PLCL1: variants seen among roughly 807,000 people sequenced by gnomAD.
The protein encoded by PLCL1 is phospholipase C like 1 (inactive).
A neutral mutation model predicts 84.4 loss-of-function variants in PLCL1; 41 were observed. That is an observed-to-expected ratio of 0.49 (90% CI 0.38 to 0.63). The LOEUF (loss-of-function observed/expected upper bound fraction) is 0.63. Ranked by LOEUF, PLCL1 falls within the 30% of genes least tolerant of loss-of-function variation. The pLI, the probability that PLCL1 is intolerant of heterozygous loss-of-function variation, is 0.00. For synonymous variants in PLCL1, 490 were observed against 488.3 expected, an observed-to-expected ratio of 1.00 and a Z score of -0.05; for missense variants, 1,206 against 1,367.8, an observed-to-expected ratio of 0.88 and a Z score of 1.87.
At chr2:197,953,192 G>A (rs188018905) in intron 1 of PLCL1, among the ~76,000 whole-genome samples, 2 of 152,142 alleles carry the variant, frequency 1.3e-5, no homozygotes, top group East Asian at 3.9e-4. Flanking sequence ...GATGTAACTC[G>A]GGTTTGCTGA....
chr2:197,990,240 G>T (rs1324351799), intron 1 of PLCL1, among the ~76,000 whole-genome samples: 1 of 152,310 alleles, frequency 6.6e-6, no homozygotes, highest in African/African-American at 2.4e-5. Flanking sequence ...GCAAATAAAT[G>T]GAATACAGTT....
chr2:197,862,087 T>G (rs1687443572), intron 1 of PLCL1, among the ~76,000 whole-genome samples: 1 of 151,496 alleles, frequency 6.6e-6, no homozygotes, highest in South Asian at 2.1e-4. Context: ...ATTGAGTAAT[T>G]AAATTAATCT....
intron 1 of PLCL1, among the ~76,000 whole-genome samples, chr2:197,926,285 C>T (rs1321817863): frequency 1.3e-5 from 2 of 152,174 alleles, no homozygotes; most frequent in Admixed American, 6.5e-5. Context: ...GACACATAGA[C>T]AGAAAACATC....
intron 1 of PLCL1, among the ~76,000 whole-genome samples, chr2:197,809,214 G>C (rs146128809): frequency 6.6e-6 from 1 of 152,272 alleles, no homozygotes; most frequent in African/African-American, 2.4e-5. Context: ...GCTTTCGTAC[G>C]TTTGTATCAC....
intron 3 of PLCL1, among the ~76,000 whole-genome samples, chr2:198,093,161 G>A (rs1396640849): frequency 1.3e-5 from 2 of 152,172 alleles, no homozygotes; most frequent in Admixed American, 1.3e-4. Flanking sequence ...AACTGGTGGA[G>A]CACAAAGGAT....
chr2:198,111,856 G>T (rs1693631760), intron 5 of PLCL1, among the ~76,000 whole-genome samples: 1 of 151,832 alleles, frequency 6.6e-6, no homozygotes, highest in Non-Finnish European at 1.5e-5. Flanking sequence ...TATGTATCAA[G>T]TATCCTACCA....
chr2:197,856,051 A>C (rs904420245), intron 1 of PLCL1, among the ~76,000 whole-genome samples: 2 of 152,222 alleles, frequency 1.3e-5, no homozygotes, highest in Admixed American at 1.3e-4. Flanking sequence ...GTCTCACTGC[A>C]TAAGCTTTAC....
intron 3 of PLCL1, among the ~76,000 whole-genome samples, chr2:198,091,051 C>T (rs1693017726): frequency 6.6e-6 from 1 of 152,174 alleles, no homozygotes; most frequent in Non-Finnish European, 1.5e-5. Context: ...ACGGTGGAAG[C>T]AGAAATACTT....
chr2:197,993,166 T>C (rs1186181687), intron 1 of PLCL1, among the ~76,000 whole-genome samples: 1 of 152,192 alleles, frequency 6.6e-6, no homozygotes, highest in Admixed American at 6.5e-5. Context: ...ACTTGTACTT[T>C]TCTGTTTTTA....
chr2:197,877,857 G>T (rs1317218310), intron 1 of PLCL1, among the ~76,000 whole-genome samples: 1 of 152,028 alleles, frequency 6.6e-6, no homozygotes, highest in Non-Finnish European at 1.5e-5. Context: ...TTTTCAGGGG[G>T]TCCTCAAACC....
At chr2:198,007,641 C>G (rs1690760336) in intron 1 of PLCL1, among the ~76,000 whole-genome samples, 1 of 152,160 alleles carries the variant, frequency 6.6e-6, no homozygotes, top group Admixed American at 6.5e-5. Context: ...TTAACCCTCT[C>G]TTTTATGGGT....
At chr2:198,076,325 G>A (rs139061026) in intron 1 of PLCL1, among the ~76,000 whole-genome samples, 38 of 152,224 alleles carry the variant, frequency 2.5e-4, no homozygotes, top group East Asian at 1.7e-3. Flanking sequence ...CCACCACAGC[G>A]TATATATCAG....
At chr2:198,003,406 C>T (rs1690652034) in intron 1 of PLCL1, among the ~76,000 whole-genome samples, 1 of 152,148 alleles carries the variant, frequency 6.6e-6, no homozygotes, top group Non-Finnish European at 1.5e-5. Context: ...AATAGAGATG[C>T]TCCTTATGGA....
chr2:198,079,542 C>T (rs576879889), intron 1 of PLCL1, among the ~76,000 whole-genome samples: 2 of 152,072 alleles, frequency 1.3e-5, no homozygotes, highest in Admixed American at 6.5e-5. Flanking sequence ...AAACAGTGCT[C>T]ATAGGTAAAT....
chr2:198,026,900 C>T (rs1691280037), intron 1 of PLCL1, among the ~76,000 whole-genome samples: 1 of 152,120 alleles, frequency 6.6e-6, no homozygotes. Flanking sequence ...AAAGAGAACT[C>T]TTGCACACTG....
intron 1 of PLCL1, among the ~76,000 whole-genome samples, chr2:197,888,124 C>T (rs529353896): frequency 1.6e-4 from 24 of 151,894 alleles, no homozygotes; most frequent in African/African-American, 5.3e-4. Flanking sequence ...TTTTTACTAG[C>T]GGTCATTTAA....
At chr2:197,833,181 T>C (rs1691107990) in intron 1 of PLCL1, among the ~76,000 whole-genome samples, 1 of 152,128 alleles carries the variant, frequency 6.6e-6, no homozygotes, top group African/African-American at 2.4e-5. Context: ...ATGGAACATA[T>C]CTCAAAATAG....
intron 1 of PLCL1, among the ~76,000 whole-genome samples, chr2:197,835,368 G>A (rs1187973413): frequency 2.6e-5 from 4 of 152,166 alleles, no homozygotes; most frequent in African/African-American, 4.8e-5. Context: ...AGATAGTTTT[G>A]TGACATTTAG....
At chr2:198,049,728 G>A (rs1421551882) in intron 1 of PLCL1, among the ~76,000 whole-genome samples, 1 of 152,128 alleles carries the variant, frequency 6.6e-6, no homozygotes, top group Non-Finnish European at 1.5e-5. Context: ...AGTGAAACTT[G>A]GCACCTCCAG....
Sources: allele counts gnomAD v4.1 joint callset (sites outside exome capture counted in the v4.1 genomes callset), GRCh38; gene constraint gnomAD v4.1.1; transcripts MANE v1.5; gene names NCBI Gene and HGNC (gene_info 2026-07-23, HGNC 2026-07-21).